C1orf21: variants seen among roughly 807,000 people sequenced by gnomAD.
C1orf21 encodes the protein uncharacterized protein C1orf21.
A neutral mutation model predicts 18.7 loss-of-function variants in C1orf21; 3 were observed. The observed-to-expected ratio is 0.16, with a 90% confidence interval of 0.07 to 0.42. The LOEUF is 0.42. C1orf21 is among the 10% of genes least tolerant of loss of function. The pLI is 0.99. For synonymous variants in C1orf21, 41 were observed against 46.4 expected (o/e 0.88, Z 0.47); for missense variants, 104 against 143.6 (o/e 0.72, Z 1.41).
chr1:184,616,726 C>CGTGTGT (rs55938251), intron 5 of C1orf21, among the ~76,000 whole-genome samples: 2,383 of 150,804 alleles, frequency 0.016, 29 homozygotes, highest in East Asian at 0.075. Context: ...GTTGTGTGCA[C>CGTGTGT]GTGTGTGTGT....
intron 3 of C1orf21, among the ~76,000 whole-genome samples, chr1:184,561,763 G>A (rs1164766407): frequency 2.0e-5 from 3 of 151,954 alleles, no homozygotes; most frequent in Non-Finnish European, 2.9e-5. Flanking sequence ...GATTACAGGC[G>A]CCCACCACCA....
intron 4 of C1orf21, among the ~76,000 whole-genome samples, chr1:184,592,657 A>T (rs1018766555): frequency 6.6e-6 from 1 of 152,018 alleles, no homozygotes; most frequent in Non-Finnish European, 1.5e-5. Context: ...ACTATTACAT[A>T]TGTGTATTGA....
chr1:184,491,050 A>C (rs1175236663), intron 2 of C1orf21, among the ~76,000 whole-genome samples: 1 of 152,166 alleles, frequency 6.6e-6, no homozygotes, highest in Non-Finnish European at 1.5e-5. Flanking sequence ...TCATTTGTAA[A>C]ATTGGAACCT....
At chr1:184,571,149 T>C (rs552167013) in intron 3 of C1orf21, among the ~76,000 whole-genome samples, 89 of 151,588 alleles carry the variant, frequency 5.9e-4, no homozygotes, top group African/African-American at 2.0e-3. Context: ...AAAAAAAAAT[T>C]AGCCGGGCGT....
intron 1 of C1orf21, among the ~76,000 whole-genome samples, chr1:184,446,906 C>CTTGATAAT (rs1657043716): frequency 7.0e-6 from 1 of 143,546 alleles, no homozygotes. Flanking sequence ...GAAACGATGA[C>CTTGATAAT]TTGATAATTG....
In C1orf21 at chr1:184,449,696, G is replaced by A. The variant is rs1410642399; in HGVS notation, c.-124-27690G>A. ...AATATAATTTAAGTCTTCCAAGAACGGTTTTAGTTGGAAAAGTCTTGTATG... is the reference window on the plus strand; with the variant it reads ...AATATAATTTAAGTCTTCCAAGAACAGTTTTAGTTGGAAAAGTCTTGTATG... On this transcript the variant is annotated intron_variant, in intron 1 of 5. Transcript: ENST00000235307. Among the ~76,000 whole-genome samples, 5 of 152,214 alleles carry A rather than the reference G, an allele frequency of 3.3e-5. No individual in the cohort carries two copies. The East Asian group carries it at 5.8e-4, about 18-fold the overall frequency.
At chr1:184,410,654 TATATATA>T (rs1442856403) in intron 1 of C1orf21, among the ~76,000 whole-genome samples, 104 of 7,538 alleles carry the variant, frequency 0.014, 20 homozygotes, top group African/African-American at 0.025. Context: ...TATATATATA[TATATATA>T]TATTTTTTTT....
intron 1 of C1orf21, among the ~76,000 whole-genome samples, chr1:184,410,151 A>G (rs569270983): frequency 6.6e-6 from 1 of 152,338 alleles, no homozygotes; most frequent in East Asian, 1.9e-4. Context: ...ATTAGATAAA[A>G]GATCTGTGAA....
chr1:184,627,488 T>C lies in C1orf21; in HGVS notation c.*7932T>C, dbSNP rs1175186413. The C allele has an allele frequency of 5.9e-5, 9 of 152,210 alleles. No individual in the cohort carries two copies. The highest frequency in any genetic ancestry group is 5.9e-4 in the Admixed American group (9 of 15,274). The allele number at this position is 152,210 out of a possible 1,614,324, so 9.4% of individuals were successfully genotyped here. On this transcript the variant is annotated 3_prime_UTR_variant, in exon 6 of 6. Transcript: ENST00000235307. ...GGCAATTTTCCTAGCTAAGGGGCAC[T>C]GGGCCTTGCTGCACCTTGGGGCTGA...
rs184714109 is a variant in C1orf21, at chr1:184,602,272, G to T, written c.327+3811G>T. 4.0e-3 allele frequency among the ~76,000 whole-genome samples: 615 copies of T among 152,276 alleles called. 1 individual carries two copies. Among genetic ancestry groups the T allele is most frequent in the Non-Finnish European group, 7.0e-3 (474 of 68,016 alleles). On this transcript the variant is annotated intron_variant, in intron 5 of 5. Coordinates refer to ENST00000235307, the MANE Select transcript of C1orf21 (RefSeq NM_030806.4). ...ACTTGGTACCATTTCACATGCTGGTGGTGGGAGGCCACAACACTCTGCTGC... is the reference window on the plus strand; with the variant it reads ...ACTTGGTACCATTTCACATGCTGGTTGTGGGAGGCCACAACACTCTGCTGC...
chr1:184,601,115 G>A (rs1659578842), intron 5 of C1orf21, among the ~76,000 whole-genome samples: 1 of 152,174 alleles, frequency 6.6e-6, no homozygotes, highest in Non-Finnish European at 1.5e-5. Flanking sequence ...AAAACAAAAA[G>A]AAGATTAAAC....
chr1:184,535,530 C>T (rs147118375), intron 3 of C1orf21, among the ~76,000 whole-genome samples: 6 of 152,338 alleles, frequency 3.9e-5, no homozygotes, highest in Non-Finnish European at 8.8e-5. Flanking sequence ...CAAACAGCAT[C>T]ATTCCTGGTG....
chr1:184,564,235 C>T (rs986810283), intron 3 of C1orf21, among the ~76,000 whole-genome samples: 4 of 152,158 alleles, frequency 2.6e-5, no homozygotes, highest in Non-Finnish European at 5.9e-5. Flanking sequence ...TGCAAAATAC[C>T]TAGACTGGAC....
At chr1:184,478,809 G>T (rs900968730) in intron 2 of C1orf21, among the ~76,000 whole-genome samples, 1 of 152,156 alleles carries the variant, frequency 6.6e-6, no homozygotes, top group African/African-American at 2.4e-5. Flanking sequence ...ACATTTGCAC[G>T]ATGCTTTCAT....
chr1:184,570,572 T>G (rs1032192256), intron 3 of C1orf21, among the ~76,000 whole-genome samples: 1 of 152,184 alleles, frequency 6.6e-6, no homozygotes, highest in African/African-American at 2.4e-5. Context: ...TGAAAAATAA[T>G]ATTTTAACAT....
chr1:184,614,437 A>C (rs1659787379), intron 5 of C1orf21, among the ~76,000 whole-genome samples: 1 of 152,202 alleles, frequency 6.6e-6, no homozygotes, highest in Admixed American at 6.5e-5. Flanking sequence ...GAATGCATAC[A>C]TGTCTATAGA....
chr1:184,586,797 T>C (rs927033445), intron 3 of C1orf21, among the ~76,000 whole-genome samples: 1 of 152,220 alleles, frequency 6.6e-6, no homozygotes, highest in Non-Finnish European at 1.5e-5. Flanking sequence ...TTAAATCCCA[T>C]TTGTCAATTT....
chr1:184,523,843 A>G (rs1033762512), intron 3 of C1orf21, among the ~76,000 whole-genome samples: 1 of 152,194 alleles, frequency 6.6e-6, no homozygotes, highest in South Asian at 2.1e-4. Context: ...ACAGTGTTCT[A>G]TAATACTTTG....
chr1:184,577,556 C>G (rs1659211275), intron 3 of C1orf21, among the ~76,000 whole-genome samples: 1 of 152,104 alleles, frequency 6.6e-6, no homozygotes, highest in African/African-American at 2.4e-5. Flanking sequence ...CCAGCTTGTT[C>G]AGGAAGGCTG....
Sources: allele counts gnomAD v4.1 joint callset (sites outside exome capture counted in the v4.1 genomes callset), GRCh38; gene constraint gnomAD v4.1.1; transcripts MANE v1.5; gene names NCBI Gene and HGNC (gene_info 2026-07-23, HGNC 2026-07-21).